Variants in DLC1 observed in about 807,000 individuals in gnomAD.
DLC1 encodes the protein rho GTPase-activating protein 7.
A neutral mutation model predicts 140.3 loss-of-function variants in DLC1; 54 were observed. The ratio of observed to expected loss-of-function variants is 0.38; its 90% CI spans 0.31 to 0.48. The LOEUF (loss-of-function observed/expected upper bound fraction) is 0.48, where lower values mean the gene tolerates loss of function less well. DLC1 is among the 20% of genes least tolerant of loss of function. The pLI is 0.96. For synonymous variants in DLC1, 986 were observed against 728.1 expected (o/e 1.35, Z -5.70); for missense variants, 2,536 against 1,907.0 (o/e 1.33, Z -6.14).
At chr8:13,214,741 T>C (rs867818801) in intron 5 of DLC1, 1 of 781,008 alleles carries the variant, frequency 1.3e-6, no homozygotes, top group East Asian at 2.4e-5. Flanking sequence ...TGTGCTCTTA[T>C]CTTCATCCAC....
intron 5 of DLC1, among the ~76,000 whole-genome samples, chr8:13,293,739 A>T (rs891319678): frequency 8.5e-5 from 13 of 152,290 alleles, no homozygotes; most frequent in African/African-American, 3.1e-4. Context: ...AGCTGCAGAG[A>T]CCTGGGAAGA....
At chr8:13,548,997 A>T (rs982718671) in intron 1 of DLC1, among the ~76,000 whole-genome samples, 1 of 152,126 alleles carries the variant, frequency 6.6e-6, no homozygotes. Context: ...TTTATAAAAT[A>T]TAAGACATTT....
chr8:13,350,667 G>C (rs925056895), intron 4 of DLC1, among the ~76,000 whole-genome samples: 3 of 152,086 alleles, frequency 2.0e-5, no homozygotes, highest in Non-Finnish European at 4.4e-5. Flanking sequence ...AGTGAGCCTA[G>C]ATGGCACCAC....
At chr8:13,399,563 G>C (rs1273007405) in intron 3 of DLC1, among the ~76,000 whole-genome samples, 1 of 152,112 alleles carries the variant, frequency 6.6e-6, no homozygotes, top group Non-Finnish European at 1.5e-5. Context: ...TTCATCCTAT[G>C]AGATTGGCTA....
At chr8:13,524,711 T>G (rs968204212) in intron 1 of DLC1, among the ~76,000 whole-genome samples, 5 of 86,522 alleles carry the variant, frequency 5.8e-5, no homozygotes, top group African/African-American at 1.4e-4. Flanking sequence ...TCTGTTGTGT[T>G]TTTTTTTTCA....
At chr8:13,560,429 C>A (rs189760896) in intron 1 of DLC1, among the ~76,000 whole-genome samples, 8,150 of 151,330 alleles carry the variant, frequency 0.054, 317 homozygotes, top group Non-Finnish European at 0.081. Flanking sequence ...CACAAGGCCC[C>A]CACAGATGTT....
At chr8:13,467,453 C>T (rs1390172052) in intron 2 of DLC1, among the ~76,000 whole-genome samples, 4 of 149,630 alleles carry the variant, frequency 2.7e-5, no homozygotes, top group African/African-American at 9.8e-5. Context: ...TCTTATATTC[C>T]TTTTTTTTTC....
rs975884567 is a variant in DLC1 at position 13,360,444 on chromosome 8, C to T, written c.1314+33109G>A. Among the ~76,000 whole-genome samples the T allele has an allele frequency of 1.4e-4, 21 of 152,130 alleles. 1 individual carries two copies. Among genetic ancestry groups the T allele is most frequent in the Admixed American group, 4.6e-4 (7 of 15,276 alleles). On this transcript the variant is annotated intron_variant, in intron 4 of 17. Transcript: ENST00000276297. Reference sequence around the variant, plus strand: ...TTGCAAACCATTGATCTAAGCTACCCATTTCCTCTACTAGTAGTTCTTAAC... The same window carrying T: ...TTGCAAACCATTGATCTAAGCTACCTATTTCCTCTACTAGTAGTTCTTAAC...
chr8:13,216,538 T>TA, intron 5 of DLC1, among the ~76,000 whole-genome samples: 1 of 152,098 alleles, frequency 6.6e-6, no homozygotes, highest in Non-Finnish European at 1.5e-5. Flanking sequence ...CCCATCCCTC[T>TA]ACCCAGCAGA....
intron 2 of DLC1, among the ~76,000 whole-genome samples, chr8:13,422,405 T>C (rs1332969476): frequency 6.6e-6 from 1 of 151,998 alleles, no homozygotes; most frequent in Non-Finnish European, 1.5e-5. Context: ...GAGATTGCTT[T>C]TTTTTTTTCT....
chr8:13,389,623 T>C (rs77532231), intron 4 of DLC1, among the ~76,000 whole-genome samples: 2,387 of 152,256 alleles, frequency 0.016, 39 homozygotes, highest in Middle Eastern at 0.037. Context: ...TTCAGCATGA[T>C]CTACACATAG....
intron 4 of DLC1, among the ~76,000 whole-genome samples, chr8:13,317,683 G>T (rs1310605554): frequency 6.6e-6 from 1 of 152,100 alleles, no homozygotes; most frequent in Non-Finnish European, 1.5e-5. Context: ...AAAGGCACTG[G>T]GAGGTGATAA....
At chr8:13,545,954 C>G (rs1435420127) in intron 1 of DLC1, among the ~76,000 whole-genome samples, 1 of 152,024 alleles carries the variant, frequency 6.6e-6, no homozygotes, top group African/African-American at 2.4e-5. Context: ...TTAAAGCCCA[C>G]TGGGATACCA....
At chr8:13,508,424 T>TTTC (rs386412111) in intron 1 of DLC1, among the ~76,000 whole-genome samples, 2 of 6,914 alleles carry the variant, frequency 2.9e-4, no homozygotes, top group Non-Finnish European at 0.012. Flanking sequence ...CTTCTTTTTC[T>TTTC]TTTTTTTTTT....
intron 5 of DLC1, among the ~76,000 whole-genome samples, chr8:13,185,416 T>TC (rs1314872700): frequency 6.6e-6 from 1 of 151,966 alleles, no homozygotes; most frequent in African/African-American, 2.4e-5. Context: ...CATGCCATTC[T>TC]CCTGCCTCAG....
intron 2 of DLC1, among the ~76,000 whole-genome samples, chr8:13,435,233 A>G (rs1839065341): frequency 6.6e-6 from 1 of 152,212 alleles, no homozygotes. Flanking sequence ...ATATCCCCAC[A>G]ACTAGAATTA....
At chr8:13,491,354 C>G (rs1236960697) in intron 2 of DLC1, among the ~76,000 whole-genome samples, 3 of 151,954 alleles carry the variant, frequency 2.0e-5, no homozygotes, top group African/African-American at 7.2e-5. Flanking sequence ...CCCAGAAAAG[C>G]TATGGAATTT....
chr8:13,378,598 C>A (rs949763335), intron 4 of DLC1, among the ~76,000 whole-genome samples: 1 of 152,166 alleles, frequency 6.6e-6, no homozygotes, highest in South Asian at 2.1e-4. Context: ...ATTTACAAAC[C>A]TTTCAAAACC....
intron 4 of DLC1, among the ~76,000 whole-genome samples, chr8:13,356,387 C>T (rs375703804): frequency 6.6e-6 from 1 of 152,052 alleles, no homozygotes; most frequent in East Asian, 1.9e-4. Flanking sequence ...ATATTCAAAG[C>T]CGTTTACAGT....
Sources: allele counts gnomAD v4.1 joint callset (sites outside exome capture counted in the v4.1 genomes callset), GRCh38; gene constraint gnomAD v4.1.1; transcripts MANE v1.5; gene names NCBI Gene and HGNC (gene_info 2026-07-23, HGNC 2026-07-21).